Variants in RAB27B observed in about 807,000 individuals in gnomAD.
RAB27B encodes ras-related protein Rab-27B.
In RAB27B, 15 loss-of-function variants were observed where a neutral mutation model predicts 24.6. That is an observed-to-expected ratio of 0.61 (90% CI 0.41 to 0.94). The LOEUF (loss-of-function observed/expected upper bound fraction) is 0.94, where lower values mean the gene tolerates loss of function less well. Ranked by LOEUF, RAB27B falls within the 40% of genes least tolerant of loss-of-function variation. The probability of loss-of-function intolerance (pLI) is 0.00; values close to 1 mark genes in which losing one functional copy is unlikely to be tolerated. For synonymous variants in RAB27B, 105 were observed against 92.5 expected (o/e 1.14, Z -0.78); for missense variants, 261 against 266.8 (o/e 0.98, Z 0.15).
intron 1 of RAB27B, among the ~76,000 whole-genome samples, chr18:54,842,025 ATG>A (rs1260358760): frequency 2.0e-5 from 3 of 152,224 alleles, no homozygotes; most frequent in Non-Finnish European, 2.9e-5. Context: ...CCACATGAAC[ATG>A]TGTGTGTGAC....
Position 54,879,395 on chromosome 18 carries a change from A to T in RAB27B, c.180A>T (p.Gly60=), listed in dbSNP as rs530701309. 6.2e-7 allele frequency: 1 copy of T among 1,612,746 alleles called. No homozygotes were observed. Among genetic ancestry groups the T allele is most frequent in the African/African-American group, 1.3e-5 (1 of 74,888 alleles). ...TTTATAATGCACAAGGACCGAATGG[A>T]TCTTCAGGGAAAGCATTTAAAGTGC... ...RVVYNAQGPN[G]SSGKAFKVHL... The change falls in exon 3 of 6, where the codon GGA becomes GGT. Residue 60 remains glycine (G), a synonymous_variant. Transcript: ENST00000262094.
At chr18:54,758,130 C>T (rs1332756050) in intron 2 of RAB27B, among the ~76,000 whole-genome samples, 1 of 151,928 alleles carries the variant, frequency 6.6e-6, no homozygotes, top group Non-Finnish European at 1.5e-5. Flanking sequence ...CAATGTGTTG[C>T]CCTCTGTTAG....
chr18:54,769,349 C>A (rs1443517296), intron 2 of RAB27B, among the ~76,000 whole-genome samples: 1 of 152,142 alleles, frequency 6.6e-6, no homozygotes, highest in African/African-American at 2.4e-5. Flanking sequence ...GTGTAAAATG[C>A]CATCTGATGA....
At position 54,753,675 on chromosome 18, in the gene RAB27B, GT is replaced by G. The variant is rs1210332180; in HGVS notation, c.-20+35535del. On this transcript the variant is annotated intron_variant, in intron 2 of 4. Transcript: ENST00000586570. ...AGATTTTTCCCTAAAACAAAAACAT[GT>G]CTATAAGCTTTCACAGGTGCATTTA... 4.5e-5 allele frequency among the ~76,000 whole-genome samples: 5 copies of G among 110,184 alleles called. No individual in the cohort carries two copies. In the East Asian group the frequency reaches 2.2e-3, roughly 47 times the overall value. The allele number at this position is 110,184 out of a possible 152,430, so 72.3% of individuals were successfully genotyped here.
intron 2 of RAB27B, among the ~76,000 whole-genome samples, chr18:54,788,700 G>C (rs2145106381): frequency 6.6e-6 from 1 of 152,292 alleles, no homozygotes; most frequent in South Asian, 2.1e-4. Context: ...AGTAATATTA[G>C]AAAAAGAAAA....
intron 2 of RAB27B, among the ~76,000 whole-genome samples, chr18:54,737,184 G>T (rs1909923265): frequency 6.6e-6 from 1 of 152,132 alleles, no homozygotes; most frequent in African/African-American, 2.4e-5. Context: ...CCATATCATA[G>T]TTTACTCATT....
At position 54,890,148 on chromosome 18, in the gene RAB27B, C is replaced by T. The variant is rs1913311830; in HGVS notation, c.*735C>T. On this transcript the variant is annotated 3_prime_UTR_variant, in exon 6 of 6. Transcript: ENST00000262094. The stretch of plus-strand genomic sequence containing the variant: ...GTATGAGAAATTGGCATTTCTACAG[C>T]TGAAATTCAATGTATCTGTTAGAGA... 6.6e-6 allele frequency: 1 copy of T among 152,074 alleles called. No individual in the cohort carries two copies. The highest frequency in any genetic ancestry group is 2.4e-5 in the African/African-American group (1 of 41,438). The allele number at this position is 152,074 out of a possible 1,614,324, so 9.4% of individuals were successfully genotyped here. A position where few individuals can be genotyped will look rare whatever the true frequency, so the allele number is the denominator to read the frequency against.
At chr18:54,841,635 T>C (rs1311366854) in intron 1 of RAB27B, among the ~76,000 whole-genome samples, 1 of 152,206 alleles carries the variant, frequency 6.6e-6, no homozygotes, top group African/African-American at 2.4e-5. Flanking sequence ...GACATTATTT[T>C]CTAAGCCAAA....
chr18:54,771,485 A>T (rs979730510), intron 2 of RAB27B, among the ~76,000 whole-genome samples: 3 of 152,130 alleles, frequency 2.0e-5, no homozygotes, highest in African/African-American at 7.2e-5. Context: ...GGACACATTC[A>T]TTTTGAATTG....
At chr18:54,728,870 T>C (rs1344393357) in intron 2 of RAB27B, among the ~76,000 whole-genome samples, 2 of 48,662 alleles carry the variant, frequency 4.1e-5, no homozygotes, top group Admixed American at 3.6e-4. Context: ...AGTAAGACTC[T>C]GTCTCAAAAA....
At chr18:54,872,180 G>A (rs972625048) in intron 1 of RAB27B, among the ~76,000 whole-genome samples, 1 of 152,150 alleles carries the variant, frequency 6.6e-6, no homozygotes, top group Non-Finnish European at 1.5e-5. Context: ...CTATTCAACC[G>A]ACAGCTTTAT....
chr18:54,727,411 T>A (rs1461965616), intron 2 of RAB27B, among the ~76,000 whole-genome samples: 1 of 152,196 alleles, frequency 6.6e-6, no homozygotes, highest in Non-Finnish European at 1.5e-5. Context: ...GAAAGCTAAC[T>A]TTGATTTCAA....
intron 2 of RAB27B, among the ~76,000 whole-genome samples, chr18:54,762,202 G>GT (rs748195951): frequency 6.6e-6 from 1 of 152,090 alleles, no homozygotes; most frequent in Admixed American, 6.6e-5. Context: ...GTTTTGTTTT[G>GT]TTTTTTAGAT....
chr18:54,886,313 G>A (rs11873464), intron 4 of RAB27B, among the ~76,000 whole-genome samples: 42,473 of 152,018 alleles, frequency 0.28, 6,065 homozygotes, highest in East Asian at 0.36. Flanking sequence ...AAGCTCTTAT[G>A]AGAGTGCAGA....
At chr18:54,747,857 C>T (rs964589520) in intron 2 of RAB27B, among the ~76,000 whole-genome samples, 1 of 152,096 alleles carries the variant, frequency 6.6e-6, no homozygotes, top group African/African-American at 2.4e-5. Context: ...CCTATAGTCC[C>T]AGTACTTTGG....
At chr18:54,844,408 C>CTTTTTTTTTTTTTTTTTTTTTTTTTTTTT (rs148747981) in intron 1 of RAB27B, among the ~76,000 whole-genome samples, 13 of 107,880 alleles carry the variant, frequency 1.2e-4, no homozygotes, top group African/African-American at 1.3e-4. Context: ...CTTTTCTTTT[C>CTTTTTTTTTTTTTTTTTTTTTTTTTTTTT]TTTTTTTTTT....
intron 2 of RAB27B, among the ~76,000 whole-genome samples, chr18:54,742,326 A>G (rs555632492): frequency 6.6e-6 from 1 of 152,286 alleles, no homozygotes; most frequent in South Asian, 2.1e-4. Context: ...GGTTTATTTG[A>G]TGATTAAATT....
At chr18:54,717,963 C>T (rs1392962108) in intron 1 of RAB27B, 2 of 152,234 alleles carry the variant, frequency 1.3e-5, no homozygotes, top group Non-Finnish European at 2.9e-5. Context: ...ATCACTCAGG[C>T]TTTGAATACT....
chr18:54,746,161 A>G (rs966142993), intron 2 of RAB27B, among the ~76,000 whole-genome samples: 1 of 152,214 alleles, frequency 6.6e-6, no homozygotes, highest in Non-Finnish European at 1.5e-5. Flanking sequence ...TGAAATTAGT[A>G]GGGATTCCCT....
Sources: allele counts gnomAD v4.1 joint callset (sites outside exome capture counted in the v4.1 genomes callset), GRCh38; gene constraint gnomAD v4.1.1; transcripts MANE v1.5; gene names NCBI Gene and HGNC (gene_info 2026-07-23, HGNC 2026-07-21).